L1CAM: variants seen among roughly 807,000 people sequenced by gnomAD.
L1CAM encodes the protein L1 cell adhesion molecule.
L1CAM carries 8 observed loss-of-function variants against 93.0 expected under a neutral mutation model. The ratio of observed to expected loss-of-function variants is 0.09; its 90% confidence interval spans 0.05 to 0.16. The LOEUF is 0.16. Among genes scored for constraint, L1CAM ranks in the 10% least tolerant of loss-of-function variants. The pLI is 1.00. For missense variants in L1CAM, 777 were observed against 1,073.4 expected, an observed-to-expected ratio of 0.72 and a Z score of 3.86; for synonymous variants, 453 against 453.0, an observed-to-expected ratio of 1.00 and a Z score of 0.00.
chrX:153,871,653 A>G (rs4646265), intron 5 of L1CAM, among the ~76,000 whole-genome samples: 29,472 of 110,218 alleles, frequency 0.27, 7,143 homozygotes, highest in African/African-American at 0.78. Flanking sequence ...GATGGAATGC[A>G]AAGGGAAAAC....
chrX:153,877,153 C>T (rs1249916886), intron 1 of L1CAM, among the ~76,000 whole-genome samples: 3 of 104,654 alleles, frequency 2.9e-5, no homozygotes, highest in African/African-American at 1.1e-4. Context: ...AGTAAAAATA[C>T]AAAATTAGGG....
rs200954919 is a variant in L1CAM, at chrX:153,864,315, G to C, written c.3322+7C>G. ...TGGCAGGTGATGGCGGGCCCCCGGC[G>C]CCTCACCTGTGCCATTGGTCTTCAC... is the stretch of plus-strand genomic sequence containing the variant. On this transcript the variant is annotated splice_region_variant and intron_variant, in intron 25 of 28. Transcript: ENST00000370060. 1.8e-5 allele frequency: 22 copies of C among 1,208,293 alleles called. No homozygotes were observed. In the African/African-American group the frequency reaches 3.7e-4, roughly 20 times the overall value.
intron 26 of L1CAM, 143 bp downstream of exon 26, chrX:153,863,740 G>A (rs2064684902): frequency 1.1e-6 from 1 of 943,295 alleles, no homozygotes; most frequent in Non-Finnish European, 1.5e-6. Flanking sequence ...CTGGGAGGAT[G>A]ATCCCCCTGC....
intron 2 of L1CAM, among the ~76,000 whole-genome samples, chrX:153,875,058 A>T (rs1485231455): frequency 8.9e-6 from 1 of 111,763 alleles, no homozygotes; most frequent in Non-Finnish European, 1.9e-5. Context: ...ACAAGAACAC[A>T]CAGACATACA....
At chrX:153,878,661 G>A (rs1203847804) in intron 1 of L1CAM, among the ~76,000 whole-genome samples, 2 of 111,757 alleles carry the variant, frequency 1.8e-5, no homozygotes, top group Non-Finnish European at 3.8e-5. Context: ...GAGGGGGAGG[G>A]GAGGAAACCG....
chrX:153,876,784 G>C (rs1557094677), intron 1 of L1CAM, among the ~76,000 whole-genome samples: 1 of 108,538 alleles, frequency 9.2e-6, no homozygotes, highest in African/African-American at 3.4e-5. Context: ...TCTTGAGGTT[G>C]GGAGTTTGAG....
intron 1 of L1CAM, among the ~76,000 whole-genome samples, chrX:153,882,867 TG>T (rs2064852776): frequency 8.9e-6 from 1 of 112,066 alleles, no homozygotes; most frequent in Admixed American, 9.4e-5. Flanking sequence ...GGACCTGGGC[TG>T]GGGGCCACTG....
rs930427854 is a variant in L1CAM at position 153,870,420 on chromosome X, C to G, written c.774G>C (p.Gln258His). ...SSSHLVALQG[Q>H]PLVLECIAEG... ...CGGCGATGCACTCCAGGACCAATGG[C>G]TGCCCCTGCAAGGCCACCAGGTGGC... Residue 258 changes from glutamine to histidine, a missense_variant, in exon 8 of 29, where the codon CAG (glutamine) becomes CAC (histidine). Physicochemically the swap from Gln to His is conservative, Grantham distance 24 (BLOSUM62 0). Coordinates refer to ENST00000370060, the MANE Select transcript of L1CAM (RefSeq NM_001278116.2). 8.3e-7 allele frequency: 1 copy of G among 1,211,561 alleles called. No individual in the cohort carries two copies.
Position 153,861,767 on chromosome X carries a change from C to A in L1CAM, c.*896G>T, listed in dbSNP as rs1477966855. 1 of 109,739 alleles carries A rather than the reference C, an allele frequency of 9.1e-6. No homozygotes were observed. The highest frequency in any genetic ancestry group is 3.3e-5 in the African/African-American group (1 of 30,105). 9.0% of individuals were successfully genotyped at this position (109,739 alleles called of 1,213,427 possible). A position where few individuals can be genotyped will look rare whatever the true frequency, so the allele number is the denominator to read the frequency against. On this transcript the variant is annotated 3_prime_UTR_variant, in exon 29 of 29. Transcript: ENST00000370060. ...ACCTAGGGACTCAGACATCTGCCTA[C>A]ACACTAGTGGCGTAAAGGGAAGGAC... is the stretch of plus-strand genomic sequence containing the variant.
Position 153,865,441 on chromosome X carries a change from G to T in L1CAM, c.2607C>A (p.Asp869Glu), listed in dbSNP as rs145986413. Reference sequence around the variant, plus strand: ...TGGTGTTGGCGGGCACCACCACATGGTCTTTGTGGATATGTCTCTTGCTGT... The same window carrying T: ...TGGTGTTGGCGGGCACCACCACATGTTCTTTGTGGATATGTCTCTTGCTGT... ...RKHSKRHIHK[D>E]HVVVPANTTS... The change falls in exon 21 of 29, where the codon GAC (aspartate) becomes GAA (glutamate). Residue 869 changes from aspartate (D) to glutamate (E), a missense_variant. By Grantham distance (45) the Asp-to-Glu change is conservative. Transcript: ENST00000370060. The T allele has an allele frequency of 1.8e-5, 22 of 1,209,818 alleles. No homozygotes were observed. In the African/African-American group the frequency reaches 2.6e-4, roughly 14 times the overall value.
In L1CAM at chrX:153,865,071, T is replaced by A. The variant is rs1557090371; in HGVS notation, c.2872+17A>T. 1 of 1,211,195 alleles carries A rather than the reference T, an allele frequency of 8.3e-7. No individual in the cohort carries two copies. ...TGGCCCCTCCACCTCCCTTCCCTGC[T>A]GGGGCGGCGCACGCACGGGGGTGGT... On this transcript the variant is annotated intron_variant, in intron 22 of 28. Coordinates refer to ENST00000370060, the MANE Select transcript of L1CAM (RefSeq NM_001278116.2).
rs145717130 is a variant in L1CAM at position 153,866,710 on chromosome X, G to A, written c.2370C>T (p.Ala790=). ...TFVPYEIKVQ[A]VNSQGKGPEP... is the part of the protein sequence containing the mutation. Reference sequence around the variant, plus strand: ...CTGGTCCCTTGCCCTGGCTGTTGACGGCCTGGACTTTGATCTCATAGGGCA... The same window carrying A: ...CTGGTCCCTTGCCCTGGCTGTTGACAGCCTGGACTTTGATCTCATAGGGCA... Residue 790 remains alanine (A), a synonymous_variant, in exon 19 of 29, where the codon GCC becomes GCT. Coordinates refer to ENST00000370060, the MANE Select transcript of L1CAM (RefSeq NM_001278116.2). The A allele has an allele frequency of 1.6e-5, 19 of 1,209,529 alleles. No homozygotes were observed. The highest frequency in any genetic ancestry group is 7.0e-5 in the African/African-American group (4 of 57,130).
chrX:153,885,145 G>A (rs1040573892), intron 1 of L1CAM, among the ~76,000 whole-genome samples: 13 of 113,190 alleles, frequency 1.1e-4, no homozygotes, highest in African/African-American at 4.2e-4. Flanking sequence ...CTGGAATGGA[G>A]GGAATAGGAA....
At chrX:153,884,340 T>C in intron 1 of L1CAM, 3 of 806,395 alleles carry the variant, frequency 3.7e-6, no homozygotes, top group Non-Finnish European at 3.3e-6. Context: ...ATTGTCCTCC[T>C]GATGCTCAGC....
intron 22 of L1CAM, 40 bp downstream of exon 22, chrX:153,865,040 TCCCCGTGG>T (rs1356102547): frequency 8.3e-7 from 1 of 1,211,419 alleles, no homozygotes; most frequent in Admixed American, 2.2e-5. Flanking sequence ...CTCTGCCCCC[TCCCCGTGG>T]CCCCTCCACC....
intron 7 of L1CAM, 94 bp downstream of exon 7, chrX:153,870,696 G>T: frequency 1.0e-6 from 1 of 974,842 alleles, no homozygotes; most frequent in Non-Finnish European, 1.5e-6. Flanking sequence ...TGTTCTTGAG[G>T]AAGCCTGGAG....
rs200262847 is a variant in L1CAM at position 153,868,830 on chromosome X, G to A, written c.1379+11C>T. ...ACACGACACTCACCACTACCAGGAC[G>A]AGACACTCACCACTGAACACTGGGC... On this transcript the variant is annotated intron_variant, in intron 12 of 28. Transcript: ENST00000370060. The A allele has an allele frequency of 5.0e-6, 6 of 1,206,018 alleles. No individual in the cohort carries two copies. The highest frequency in any genetic ancestry group is 2.3e-4 in the Middle Eastern group (1 of 4,345).
rs201440831 is a variant in L1CAM, at chrX:153,868,074, G to A, written c.1752C>T (p.Ser584=). The A allele has an allele frequency of 1.2e-4, 141 of 1,207,985 alleles. 3 individuals carry two copies. The South Asian group carries it at 2.3e-3, about 20-fold the overall frequency. ...GRLVIHSLDY[S]DQGNYSCVAS... ...CCACGCAGCTGTAGTTGCCCTGGTC[G>A]CTGTAGTCCAGGCTGTGGATGACCA... Residue 584 remains serine, a synonymous_variant, in exon 15 of 29, where the codon AGC becomes AGT. Coordinates refer to ENST00000370060, the MANE Select transcript of L1CAM (RefSeq NM_001278116.2).
rs184304949 is a variant in L1CAM, at chrX:153,872,107, C to T, written c.400+45G>A. ...GCAGCTTCCAGCCCACAATCCCACACGAACTCCGGGACCTGCCCTCCCTGG... is the reference window on the plus strand; with the variant it reads ...GCAGCTTCCAGCCCACAATCCCACATGAACTCCGGGACCTGCCCTCCCTGG... On this transcript the variant is annotated intron_variant, in intron 5 of 28. Coordinates refer to ENST00000370060, the MANE Select transcript of L1CAM (RefSeq NM_001278116.2). The T allele has an allele frequency of 2.7e-4, 299 of 1,101,474 alleles. 1 individual carries two copies. In the African/African-American group the frequency reaches 4.2e-3, roughly 15 times the overall value. 90.8% of individuals were successfully genotyped at this position (1,101,474 alleles called of 1,213,427 possible). A position where few individuals can be genotyped will look rare whatever the true frequency, so the allele number is the denominator to read the frequency against.
Sources: gnomAD v4.1 joint callset for allele counts (sites outside exome capture counted in the v4.1 genomes callset) on GRCh38, gnomAD v4.1.1 for gene constraint, MANE v1.5 for transcripts, NCBI Gene and HGNC (gene_info 2026-07-23, HGNC 2026-07-21) for gene names.